The following EDC3 variants were observed in gnomAD, a reference collection of about 807,000 sequenced individuals.
EDC3 encodes enhancer of mRNA-decapping protein 3.
A neutral mutation model predicts 41.8 loss-of-function variants in EDC3; 20 were observed. The observed-to-expected ratio is 0.48, with a 90% confidence interval of 0.34 to 0.70. EDC3 has a LOEUF of 0.70. Ranked by LOEUF, EDC3 falls within the 30% of genes least tolerant of loss-of-function variation. The probability of loss-of-function intolerance (pLI) is 0.01; values close to 1 mark genes in which losing one functional copy is unlikely to be tolerated. For synonymous variants in EDC3, 206 were observed against 243.2 expected, an observed-to-expected ratio of 0.85 and a Z score of 1.42; for missense variants, 444 against 636.8, an observed-to-expected ratio of 0.70 and a Z score of 3.26.
At chr15:74,673,944 G>A (rs78162900) in intron 2 of EDC3, among the ~76,000 whole-genome samples, 3,541 of 151,558 alleles carry the variant, frequency 0.023, 140 homozygotes, top group African/African-American at 0.082. Context: ...AGAACCCTGA[G>A]TAATTCAATC....
chr15:74,690,785 C>G (rs553531051), intron 1 of EDC3, among the ~76,000 whole-genome samples: 1 of 152,068 alleles, frequency 6.6e-6, no homozygotes, highest in South Asian at 2.1e-4. Context: ...TTTCCACCCC[C>G]ACCCCGCCTC....
In EDC3 at chr15:74,635,610, C is replaced by G. The variant is rs1389504211; in HGVS notation, c.991G>C (p.Val331Leu). The change falls in exon 6 of 7, where the codon GTT becomes CTT. Residue 331 changes from valine (V) to leucine (L), a missense_variant. By Grantham distance (32) the Val-to-Leu change is conservative (BLOSUM62 1). Coordinates refer to ENST00000315127, the MANE Select transcript of EDC3 (RefSeq NM_025083.5). Reference sequence around the variant, plus strand: ...AGAGCCACTGTAGGCCTCTGGTGAACATTTTTGGGATTCAACCTGGAAAAG... The same window carrying G: ...AGAGCCACTGTAGGCCTCTGGTGAAGATTTTTGGGATTCAACCTGGAAAAG... ...GGPNRLNPKN[V>L]HQRPTVALLC... The G allele has an allele frequency of 6.2e-7, 1 of 1,612,456 alleles. No homozygotes were observed. The highest frequency in any genetic ancestry group is 8.5e-7 in the Non-Finnish European group (1 of 1,178,692).
rs1439362058 is a variant in EDC3 at position 74,640,636 on chromosome 15, G to C, written c.821-17C>G. On this transcript the variant is annotated splice_polypyrimidine_tract_variant and intron_variant, in intron 4 of 6. Coordinates refer to ENST00000315127, the MANE Select transcript of EDC3 (RefSeq NM_025083.5). ...GGCCAGAGTCTGCAGTTCAAAAGGA[G>C]AAGAGAAAGGGAAAGTGACTACAGA... 3 of 1,614,068 alleles carry C rather than the reference G, an allele frequency of 1.9e-6. No individual in the cohort carries two copies. Among genetic ancestry groups the C allele is most frequent in the Non-Finnish European group, 2.5e-6 (3 of 1,179,988 alleles).
At chr15:74,685,859 TAAAGGAGCAAA>T (rs1433607986) in intron 1 of EDC3, among the ~76,000 whole-genome samples, 1 of 151,920 alleles carries the variant, frequency 6.6e-6, no homozygotes, top group Non-Finnish European at 1.5e-5. Flanking sequence ...ATTTCAGACA[TAAAGGAGCAAA>T]AAAGCATATA....
chr15:74,671,824 T>C lies in EDC3; in HGVS notation c.165-50A>G. Reference sequence around the variant, plus strand: ...CTCAAAATTATAATAGTGGTAAGAATGATGAAACTGAGATCATTAGCAAAC... The same window carrying C: ...CTCAAAATTATAATAGTGGTAAGAACGATGAAACTGAGATCATTAGCAAAC... On this transcript the variant is annotated intron_variant, in intron 2 of 6. Coordinates refer to ENST00000315127, the MANE Select transcript of EDC3 (RefSeq NM_025083.5). The surrounding 1 kb of genome is among the most constrained non-coding windows in gnomAD (Gnocchi z 4.6). The C allele has an allele frequency of 3.2e-6, 5 of 1,553,586 alleles. No individual in the cohort carries two copies. Among genetic ancestry groups the C allele is most frequent in the Middle Eastern group, 3.4e-4 (2 of 5,872 alleles).
chr15:74,693,489 A>G (rs1482445032), intron 1 of EDC3, among the ~76,000 whole-genome samples: 4 of 152,246 alleles, frequency 2.6e-5, no homozygotes, highest in Non-Finnish European at 5.9e-5. Context: ...CACCAAATCC[A>G]ATAAGCAAAC....
At chr15:74,681,705 A>G (rs1229541347) in intron 1 of EDC3, among the ~76,000 whole-genome samples, 2 of 152,226 alleles carry the variant, frequency 1.3e-5, no homozygotes, top group Non-Finnish European at 2.9e-5. Flanking sequence ...TCCATCAGCA[A>G]AAAAATGAAC....
In EDC3 at chr15:74,631,566, T is replaced by C. The variant is rs1489289990; in HGVS notation, c.*1046A>G. 3 of 152,348 alleles carry C rather than the reference T, an allele frequency of 2.0e-5. No homozygotes were observed. The highest frequency in any genetic ancestry group is 4.4e-5 in the Non-Finnish European group (3 of 68,104). The allele number at this position is 152,348 out of a possible 1,614,324, so 9.4% of individuals were successfully genotyped here. ...TGTAAAAGGTTCAAAGCCCAGATGA[T>C]GTAAGAGCTGGGGTGGAGCTCAAGC... On this transcript the variant is annotated 3_prime_UTR_variant, in exon 7 of 7. Coordinates refer to ENST00000315127, the MANE Select transcript of EDC3 (RefSeq NM_025083.5).
At chr15:74,687,985 T>C (rs1248540761) in intron 1 of EDC3, among the ~76,000 whole-genome samples, 1 of 152,240 alleles carries the variant, frequency 6.6e-6, no homozygotes, top group Non-Finnish European at 1.5e-5. Context: ...CTGAATAGAA[T>C]TTTTAACACT....
intron 4 of EDC3, among the ~76,000 whole-genome samples, chr15:74,649,636 T>G (rs2062457689): frequency 6.6e-6 from 1 of 152,234 alleles, no homozygotes. Context: ...AGATTGGGTA[T>G]TGTGCTAGCT....
At chr15:74,649,221 C>CG (rs34468591) in intron 4 of EDC3, among the ~76,000 whole-genome samples, 1 of 151,914 alleles carries the variant, frequency 6.6e-6, no homozygotes, top group South Asian at 2.1e-4. Context: ...CCTGCCACCA[C>CG]GCCCGGCTAA....
At chr15:74,667,851 G>T (rs899941578) in intron 3 of EDC3, among the ~76,000 whole-genome samples, 2 of 152,072 alleles carry the variant, frequency 1.3e-5, no homozygotes, top group Non-Finnish European at 2.9e-5. Flanking sequence ...CAAGGAGAGG[G>T]GACATAACTT....
Position 74,640,628 on chromosome 15 carries a change from C to T in EDC3, c.821-9G>A. On this transcript the variant is annotated splice_polypyrimidine_tract_variant and intron_variant, in intron 4 of 6. Coordinates refer to ENST00000315127, the MANE Select transcript of EDC3 (RefSeq NM_025083.5). The stretch of plus-strand genomic sequence containing the variant: ...GACAACCAGGCCAGAGTCTGCAGTT[C>T]AAAAGGAGAAGAGAAAGGGAAAGTG... 1 of 1,614,060 alleles carries T rather than the reference C, an allele frequency of 6.2e-7. No homozygotes were observed. Among genetic ancestry groups the T allele is most frequent in the Non-Finnish European group, 8.5e-7 (1 of 1,179,994 alleles).
At chr15:74,682,394 G>A (rs867165317) in intron 1 of EDC3, among the ~76,000 whole-genome samples, 12 of 152,068 alleles carry the variant, frequency 7.9e-5, no homozygotes, top group Admixed American at 1.3e-4. Flanking sequence ...CAAGGCGGGT[G>A]GATCACAACG....
rs2062218784 is a variant in EDC3, at chr15:74,632,270, C to G, written c.*342G>C. The G allele has an allele frequency of 1.8e-5, 6 of 335,476 alleles. No homozygotes were observed. In the South Asian group the frequency reaches 2.1e-4, roughly 12 times the overall value. 20.8% of individuals were successfully genotyped at this position (335,476 alleles called of 1,614,324 possible). A position where few individuals can be genotyped will look rare whatever the true frequency, so the allele number is the denominator to read the frequency against. ...CCCAGACAGGACCTGGCCCACTCTT[C>G]AATGTGTGTGCCCAGGCCCAGTGGC... On this transcript the variant is annotated 3_prime_UTR_variant, in exon 7 of 7. Coordinates refer to ENST00000315127, the MANE Select transcript of EDC3 (RefSeq NM_025083.5). This position sits in a 1 kb window ranked among gnomAD's most constrained non-coding sequence, Gnocchi z 4.0.
chr15:74,644,730 T>C (rs2062393691), intron 4 of EDC3: 1 of 151,978 alleles, frequency 6.6e-6, no homozygotes, highest in Non-Finnish European at 1.5e-5. Flanking sequence ...ACCAGCCCCA[T>C]GTCCACAGTG....
intron 1 of EDC3, among the ~76,000 whole-genome samples, chr15:74,678,530 C>T (rs2062832427): frequency 6.6e-6 from 1 of 152,160 alleles, no homozygotes; most frequent in African/African-American, 2.4e-5. Context: ...GACAGCTTTA[C>T]TCGTTAATTT....
At chr15:74,656,515 GTT>G (rs766069650) in intron 3 of EDC3, among the ~76,000 whole-genome samples, 4 of 152,036 alleles carry the variant, frequency 2.6e-5, no homozygotes, top group Non-Finnish European at 5.9e-5. Flanking sequence ...ATCTTAACCA[GTT>G]ATCCCCTTCA....
chr15:74,681,524 C>T lies in EDC3; in HGVS notation c.-18-6382G>A, dbSNP rs894570622. ...TCAAGACTTACACAATTATGATAATCAAGACTATATAGTATTGGCAGAGGG... is the reference window on the plus strand; with the variant it reads ...TCAAGACTTACACAATTATGATAATTAAGACTATATAGTATTGGCAGAGGG... On this transcript the variant is annotated intron_variant, in intron 1 of 6. Transcript: ENST00000315127. Among the ~76,000 whole-genome samples the T allele has an allele frequency of 6.6e-5, 10 of 152,222 alleles. No homozygotes were observed. In the East Asian group the frequency reaches 7.7e-4, roughly 12 times the overall value.
Sources: gnomAD v4.1 joint callset for allele counts (sites outside exome capture counted in the v4.1 genomes callset) on GRCh38, gnomAD v4.1.1 for gene constraint, Gnocchi (gnomAD v3.1) non-coding constraint, MANE v1.5 for transcripts, NCBI Gene and HGNC (gene_info 2026-07-23, HGNC 2026-07-21) for gene names.